Variants in RGS7 observed in about 807,000 individuals in gnomAD.
The protein encoded by RGS7 is regulator of G protein signaling 7, also known as regulator of G-protein signaling 7.
RGS7 carries 27 observed loss-of-function variants against 81.1 expected under a neutral mutation model. That is an observed-to-expected ratio of 0.33 (90% confidence interval 0.25 to 0.46). RGS7 has a LOEUF of 0.46. Ranked by LOEUF, RGS7 falls within the 20% of genes least tolerant of loss-of-function variation. The pLI is 1.00. For synonymous variants in RGS7, 208 were observed against 207.7 expected (o/e 1.00, Z -0.01); for missense variants, 396 against 607.4 (o/e 0.65, Z 3.66).
chr1:241,002,008 C>T (rs1688217425), intron 3 of RGS7, among the ~76,000 whole-genome samples: 1 of 152,104 alleles, frequency 6.6e-6, no homozygotes, highest in African/African-American at 2.4e-5. Context: ...TGGAGGTTCA[C>T]TGAACCGTAA....
rs192919157 is a variant in RGS7, at chr1:241,070,859, A to G, written c.175+27807T>C. Among the ~76,000 whole-genome samples the G allele has an allele frequency of 5.9e-5, 9 of 152,306 alleles. No homozygotes were observed. In the Middle Eastern group the frequency reaches 0.014, roughly 230 times the overall value. On this transcript the variant is annotated intron_variant, in intron 3 of 18. Transcript: ENST00000440928. ...ATGGGAAAGAATCCACCATAAGAAC[A>G]TGACTCAAAGAGGTCAGTGATGGGC...
chr1:241,196,004 GAAGA>G (rs2073040455), intron 2 of RGS7, among the ~76,000 whole-genome samples: 1 of 151,970 alleles, frequency 6.6e-6, no homozygotes, highest in South Asian at 2.1e-4. Context: ...TGAGCCTTAA[GAAGA>G]AAGAATACAA....
rs1558203463 is a variant in RGS7 at position 241,221,004 on chromosome 1, A to AAAG, written c.79-122243_79-122242insCTT. Among the ~76,000 whole-genome samples the AAAG allele has an allele frequency of 3.3e-3, 259 of 78,530 alleles. 2 individuals are homozygous for AAAG. Among genetic ancestry groups the AAAG allele is most frequent in the Non-Finnish European group, 4.2e-3 (147 of 34,642 alleles). 51.5% of individuals were successfully genotyped at this position (78,530 alleles called of 152,430 possible). On this transcript the variant is annotated intron_variant, in intron 2 of 18. Transcript: ENST00000440928. Reference sequence around the variant, plus strand: ...AAGGAAGGAAGGAAGGAAGAGAGAGAGAAAGGAAGGAAGGAAGGAAGGAAG... The same window carrying AAAG: ...AAGGAAGGAAGGAAGGAAGAGAGAGAAAGGAAAGGAAGGAAGGAAGGAAGGAAG...
rs117226236 is a variant in RGS7 at position 240,855,470 on chromosome 1, G to A, written c.609+13117C>T. Among the ~76,000 whole-genome samples, 98 of 146,996 alleles carry A rather than the reference G, an allele frequency of 6.7e-4. 1 individual carries two copies. The highest frequency in any genetic ancestry group is 2.2e-3 in the African/African-American group (87 of 40,074). On this transcript the variant is annotated intron_variant, in intron 9 of 18. Transcript: ENST00000440928. ...TTTTGAGACATGGTCTCACTGTGTC[G>A]CCCAGGCTGGAATGCAACGGCATGG...
intron 3 of RGS7, chr1:240,998,741 A>G: frequency 1.2e-6 from 1 of 830,886 alleles, no homozygotes; most frequent in South Asian, 1.3e-5. Flanking sequence ...TCACCTCATC[A>G]TCGTGCGGAA....
intron 2 of RGS7, among the ~76,000 whole-genome samples, chr1:241,121,710 CTT>C (rs10681773): frequency 7.7e-4 from 51 of 66,408 alleles, no homozygotes; most frequent in African/African-American, 2.7e-3. Flanking sequence ...TGCAATTGTT[CTT>C]TTTTTTTTTT....
intron 2 of RGS7, among the ~76,000 whole-genome samples, chr1:241,208,160 T>TCCC (rs2074030084): frequency 6.6e-6 from 1 of 152,262 alleles, no homozygotes; most frequent in South Asian, 2.1e-4. Flanking sequence ...TGCCTCATCC[T>TCCC]CCCAAAGTGC....
chr1:241,215,351 C>T (rs756228163), intron 2 of RGS7, among the ~76,000 whole-genome samples: 14 of 152,134 alleles, frequency 9.2e-5, no homozygotes, highest in Non-Finnish European at 1.8e-4. Flanking sequence ...TCTAACTTCA[C>T]GGGACTCATA....
chr1:241,287,558 C>A (rs1488566275), intron 2 of RGS7, among the ~76,000 whole-genome samples: 1 of 152,134 alleles, frequency 6.6e-6, no homozygotes, highest in Non-Finnish European at 1.5e-5. Context: ...AATTACCCAG[C>A]CTCAGGTATG....
chr1:240,876,118 G>T (rs1427583113), intron 6 of RGS7, among the ~76,000 whole-genome samples: 1 of 152,164 alleles, frequency 6.6e-6, no homozygotes, highest in Non-Finnish European at 1.5e-5. Context: ...CTGCAGAACA[G>T]AGCCACCTCC....
At position 240,801,514 on chromosome 1, in the gene RGS7, G is replaced by A. The variant is rs758174204; in HGVS notation, c.1360-6C>T. ...CGATCCATTGAGTTTCCAGACTTAC[G>A]TATGTGGGGTAGGATAGGATGAAGG... On this transcript the variant is annotated splice_region_variant and splice_polypyrimidine_tract_variant and intron_variant, in intron 16 of 18. Coordinates refer to ENST00000440928, the MANE Select transcript of RGS7 (RefSeq NM_001364886.1). 39 of 1,594,126 alleles carry A rather than the reference G, an allele frequency of 2.4e-5. No homozygotes were observed. The East Asian group carries it at 3.3e-4, about 14-fold the overall frequency.
chr1:241,277,986 T>C (rs2078285351), intron 2 of RGS7, among the ~76,000 whole-genome samples: 1 of 152,244 alleles, frequency 6.6e-6, no homozygotes, highest in Non-Finnish European at 1.5e-5. Flanking sequence ...ATTCACTTTG[T>C]CTTCCATATT....
intron 2 of RGS7, among the ~76,000 whole-genome samples, chr1:241,347,795 A>T (rs1178756336): frequency 6.6e-6 from 1 of 152,216 alleles, no homozygotes; most frequent in Admixed American, 6.5e-5. Flanking sequence ...AGAGAAAAAA[A>T]GTCATAAACC....
At chr1:240,786,930 T>G (rs1303931591) in intron 18 of RGS7, among the ~76,000 whole-genome samples, 1 of 139,764 alleles carries the variant, frequency 7.2e-6, no homozygotes, top group African/African-American at 3.3e-5. Context: ...AACACCTGGG[T>G]TTTTTTTAGG....
At chr1:241,277,393 G>T (rs1055287286) in intron 2 of RGS7, among the ~76,000 whole-genome samples, 1 of 152,166 alleles carries the variant, frequency 6.6e-6, no homozygotes, top group Non-Finnish European at 1.5e-5. Context: ...GCCGAGGCGG[G>T]CGGATCACGT....
chr1:240,852,666 C>T (rs1660327987), intron 9 of RGS7, among the ~76,000 whole-genome samples: 1 of 152,160 alleles, frequency 6.6e-6, no homozygotes, highest in South Asian at 2.1e-4. Flanking sequence ...TATTGATTCT[C>T]CAATGTTGCC....
intron 4 of RGS7, among the ~76,000 whole-genome samples, chr1:240,946,376 G>C (rs1448588717): frequency 6.6e-6 from 1 of 152,154 alleles, no homozygotes; most frequent in African/African-American, 2.4e-5. Context: ...GCCAAACTGA[G>C]AGGATTGCTT....
chr1:240,912,128 G>A (rs1238766565), intron 6 of RGS7, among the ~76,000 whole-genome samples: 2 of 134,218 alleles, frequency 1.5e-5, no homozygotes, highest in Non-Finnish European at 3.1e-5. Context: ...TCCAGCCTGG[G>A]CGACACAGCG....
chr1:240,882,061 T>C (rs1572572511), intron 6 of RGS7, among the ~76,000 whole-genome samples: 1 of 152,178 alleles, frequency 6.6e-6, no homozygotes, highest in South Asian at 2.1e-4. Context: ...ATTACAGGCA[T>C]GCATAGCCAG....
Sources: gnomAD v4.1 joint callset for allele counts (sites outside exome capture counted in the v4.1 genomes callset) on GRCh38, gnomAD v4.1.1 for gene constraint, MANE v1.5 for transcripts, NCBI Gene and HGNC (gene_info 2026-07-23, HGNC 2026-07-21) for gene names.